Variants in ACSL4 observed in about 807,000 individuals in gnomAD.
ACSL4 encodes the protein long-chain-fatty-acid--CoA ligase 4.
ACSL4 carries 9 observed loss-of-function variants against 49.1 expected under a neutral mutation model. That is an observed-to-expected ratio of 0.18 (90% CI 0.11 to 0.32). ACSL4 has a LOEUF of 0.32. Ranked by LOEUF, ACSL4 falls within the 10% of genes least tolerant of loss-of-function variation. The pLI is 1.00. For missense variants in ACSL4, 333 were observed against 493.7 expected (o/e 0.67, Z 3.08); for synonymous variants, 191 against 170.3 (o/e 1.12, Z -0.95).
intron 9 of ACSL4, among the ~76,000 whole-genome samples, chrX:109,672,641 G>GT (rs1033408290): frequency 3.7e-4 from 39 of 106,108 alleles, no homozygotes; most frequent in Middle Eastern, 4.9e-3. Context: ...ATAAAGAGTT[G>GT]TTTTTTTTTT....
At chrX:109,663,553 G>T in intron 12 of ACSL4, 151 bp from the exon 13 acceptor site, 1 of 488,683 alleles carries the variant, frequency 2.0e-6, no homozygotes, top group Non-Finnish European at 3.4e-6. Context: ...TTTACATGAG[G>T]ATACTGGGTG....
At chrX:109,653,111 T>C (rs1460351466) in intron 15 of ACSL4, among the ~76,000 whole-genome samples, 1 of 111,441 alleles carries the variant, frequency 9.0e-6, no homozygotes, top group African/African-American at 3.3e-5. Context: ...TATAAGCCGG[T>C]TCAGTTTTCC....
intron 15 of ACSL4, among the ~76,000 whole-genome samples, chrX:109,656,279 C>CA (rs922941292): frequency 9.1e-6 from 1 of 109,951 alleles, no homozygotes; most frequent in African/African-American, 3.3e-5. Flanking sequence ...GAATAGTATA[C>CA]AAAAAACTAA....
At position 109,684,673 on chromosome X, in the gene ACSL4, A is replaced by G. The variant is rs192592656; in HGVS notation, c.-12-1298T>C. On this transcript the variant is annotated intron_variant, in intron 2 of 15. Coordinates refer to ENST00000672401, the MANE Select transcript of ACSL4 (RefSeq NM_001318510.2). ...GTGTAGGCAGTAGTATAAGCAATAA[A>G]TGCAAAAGGAGTTCAGAGGAAGTGC... 3.4e-3 allele frequency among the ~76,000 whole-genome samples: 379 copies of G among 112,175 alleles called. 3 individuals are homozygous for G. Among genetic ancestry groups the G allele is most frequent in the African/African-American group, 0.012 (363 of 30,871 alleles).
Position 109,649,765 on chromosome X carries a change from G to A in ACSL4, c.1856-5579C>T, listed in dbSNP as rs774520371. ...ACCTACAAAATGGGAGAAAATTTTC[G>A]CAACCTGCTCATCTGACAAAGGGCT... On this transcript the variant is annotated intron_variant, in intron 15 of 15. Coordinates refer to ENST00000672401, the MANE Select transcript of ACSL4 (RefSeq NM_001318510.2). 1.8e-4 allele frequency among the ~76,000 whole-genome samples: 20 copies of A among 108,526 alleles called. 1 individual carries two copies. In the East Asian group the frequency reaches 4.9e-3, roughly 27 times the overall value. The allele number at this position is 108,526 out of a possible 115,157, so 94.2% of individuals were successfully genotyped here.
chrX:109,655,549 G>A (rs1403682121), intron 15 of ACSL4, among the ~76,000 whole-genome samples: 2 of 110,874 alleles, frequency 1.8e-5, no homozygotes, highest in Non-Finnish European at 3.8e-5. Flanking sequence ...TATAAAAGTA[G>A]TCTCAGAAAC....
rs759970371 is a variant in ACSL4 at position 109,661,396 on chromosome X, C to T, written c.1697+135G>A. ...TTAAGCTGTTGAATTCACTAACTTA[C>T]ATAAATGTACAATTCCCCAGATCTG... On this transcript the variant is annotated intron_variant, in intron 14 of 15. Coordinates refer to ENST00000672401, the MANE Select transcript of ACSL4 (RefSeq NM_001318510.2). 6.0e-6 allele frequency: 3 copies of T among 497,972 alleles called. No individual in the cohort carries two copies. The South Asian group carries it at 8.8e-5, about 15-fold the overall frequency. 41.0% of individuals were successfully genotyped at this position (497,972 alleles called of 1,213,427 possible).
At chrX:109,644,228 GA>G (rs755353205) in intron 15 of ACSL4, 42 bp from the exon 16 acceptor site, 12 of 1,145,994 alleles carry the variant, frequency 1.0e-5, no homozygotes, top group East Asian at 9.1e-5. Context: ...GAGAGGGGGG[GA>G]AAGAGACGAG....
intron 1 of ACSL4, among the ~76,000 whole-genome samples, chrX:109,704,262 G>A (rs1171288328): frequency 2.7e-5 from 3 of 111,411 alleles, no homozygotes; most frequent in Non-Finnish European, 5.6e-5. Context: ...CCATTTTGAA[G>A]CAATGTTTAT....
intron 15 of ACSL4, among the ~76,000 whole-genome samples, chrX:109,658,584 G>A (rs1199869664): frequency 1.8e-5 from 2 of 111,950 alleles, no homozygotes; most frequent in African/African-American, 3.3e-5. Flanking sequence ...GCACTGTACC[G>A]GTAACACCAG....
chrX:109,713,760 T>C (rs1926927127), intron 1 of ACSL4, among the ~76,000 whole-genome samples: 1 of 111,232 alleles, frequency 9.0e-6, no homozygotes, highest in Non-Finnish European at 1.9e-5. Context: ...AGCAAAGAGA[T>C]GGAAACAACA....
chrX:109,710,990 C>G (rs1051121144), intron 1 of ACSL4, among the ~76,000 whole-genome samples: 16 of 112,965 alleles, frequency 1.4e-4, no homozygotes, highest in Admixed American at 1.4e-3. Flanking sequence ...GGATTACAGG[C>G]ATGAGCCACT....
intron 15 of ACSL4, among the ~76,000 whole-genome samples, chrX:109,657,546 C>T (rs1921783298): frequency 9.0e-6 from 1 of 111,113 alleles, no homozygotes; most frequent in Admixed American, 9.6e-5. Flanking sequence ...AGGACATGAA[C>T]TCATCCTTTT....
chrX:109,683,228 C>T lies in ACSL4; in HGVS notation c.136G>A (p.Val46Ile), dbSNP rs774352984. 2 of 1,211,889 alleles carry T rather than the reference C, an allele frequency of 1.7e-6. No homozygotes were observed. Among genetic ancestry groups the T allele is most frequent in the Non-Finnish European group, 2.2e-6 (2 of 895,452 alleles). ...CTGTCCTTCTTCCCAAACTTGGATA[C>T]AGCATGGTCAAATAATTTATCCAGA... is the stretch of plus-strand genomic sequence containing the variant. The part of the protein sequence containing the change: ...DTLDKLFDHA[V>I]SKFGKKDSLG... Residue 46 changes from valine to isoleucine, a missense_variant, in exon 3 of 16, where the codon GTA becomes ATA. Around this residue, in one of 3 missense-constraint regions of ACSL4, gnomAD observed 157 missense variants for 201.1 expected, o/e 0.78. Transcript: ENST00000672401.
chrX:109,675,539 G>A lies in ACSL4; in HGVS notation c.931-1066C>T, dbSNP rs138565179. On this transcript the variant is annotated intron_variant, in intron 8 of 15. Coordinates refer to ENST00000672401, the MANE Select transcript of ACSL4 (RefSeq NM_001318510.2). The stretch of plus-strand genomic sequence containing the variant: ...GAATTTTACTGAACAGGCTTCTAAT[G>A]TACTAGCTTAGCCTAAGAGACAGCA... Among the ~76,000 whole-genome samples, 391 of 111,661 alleles carry A rather than the reference G, an allele frequency of 3.5e-3. 1 individual carries two copies. The highest frequency in any genetic ancestry group is 0.012 in the African/African-American group (371 of 30,768).
chrX:109,645,853 G>T (rs1282335012), intron 15 of ACSL4, among the ~76,000 whole-genome samples: 3 of 112,344 alleles, frequency 2.7e-5, no homozygotes, highest in African/African-American at 9.7e-5. Context: ...GAAAGCCAAG[G>T]CTCGAGAACT....
chrX:109,662,027 C>T (rs924831380), intron 13 of ACSL4, among the ~76,000 whole-genome samples: 1 of 111,287 alleles, frequency 9.0e-6, no homozygotes, highest in Non-Finnish European at 1.9e-5. Context: ...AAGTGATCCT[C>T]GGCATGTCAG....
chrX:109,675,283 A>G (rs990837202), intron 8 of ACSL4, among the ~76,000 whole-genome samples: 1 of 112,579 alleles, frequency 8.9e-6, no homozygotes, highest in Non-Finnish European at 1.9e-5. Context: ...CAGAAGCCAC[A>G]AGAAGCCCTT....
chrX:109,675,946 T>G (rs1923643739), intron 8 of ACSL4, among the ~76,000 whole-genome samples: 1 of 112,129 alleles, frequency 8.9e-6, no homozygotes, highest in South Asian at 3.7e-4. Context: ...CTGAGTGGTA[T>G]AGTCAAACAC....
Sources: allele counts gnomAD v4.1 joint callset (sites outside exome capture counted in the v4.1 genomes callset), GRCh38; gene constraint gnomAD v4.1.1; regional missense constraint gnomAD v4.1.1; transcripts MANE v1.5; gene names NCBI Gene and HGNC (gene_info 2026-07-23, HGNC 2026-07-21).